Variants in CELF2 observed in about 807,000 individuals in gnomAD.
CELF2 encodes the protein CUG triplet repeat RNA-binding protein 2.
A neutral mutation model predicts 62.6 loss-of-function variants in CELF2; 8 were observed. That is an observed-to-expected ratio of 0.13 (90% CI 0.07 to 0.23). The LOEUF (loss-of-function observed/expected upper bound fraction) is 0.23, where lower values mean the gene tolerates loss of function less well. Among genes scored for constraint, CELF2 ranks in the 10% least tolerant of loss-of-function variants. The pLI is 1.00. For missense variants in CELF2, 333 were observed against 671.0 expected (o/e 0.50, Z 5.56); for synonymous variants, 258 against 250.0 (o/e 1.03, Z -0.30).
chr10:10,645,015 T>C, the CELF2 span, among the ~76,000 whole-genome samples: 1 of 152,170 alleles, frequency 6.6e-6, no homozygotes, highest in African/African-American at 2.4e-5. Context: ...CCAGCAGCTG[T>C]GAAAACAAAC....
the CELF2 span, among the ~76,000 whole-genome samples, chr10:10,600,563 A>C: frequency 6.6e-6 from 1 of 152,258 alleles, no homozygotes; most frequent in East Asian, 1.9e-4. Flanking sequence ...ATCTGGGTGT[A>C]GAACTTTGGG....
chr10:10,623,876 C>G, the CELF2 span, among the ~76,000 whole-genome samples: 3 of 152,168 alleles, frequency 2.0e-5, no homozygotes, highest in African/African-American at 4.8e-5. Flanking sequence ...AAGTGAACTG[C>G]CCAGTGCCAG....
At chr10:10,690,693 A>C in the CELF2 span, among the ~76,000 whole-genome samples, 2 of 152,170 alleles carry the variant, frequency 1.3e-5, no homozygotes, top group African/African-American at 4.8e-5. Flanking sequence ...CAGTGTGGCC[A>C]TGATGGTGAA....
rs78814926 is a variant in CELF2, at chr10:11,023,787, G to A, written c.74+5624G>A. On this transcript the variant is annotated intron_variant, in intron 1 of 12. Transcript: ENST00000633077. ...CGTATTTGAGATTTACGCATTGGCC[G>A]TGCCAACCTGGAGTTTTATGAACAG... Among the ~76,000 whole-genome samples the A allele has an allele frequency of 2.9e-3, 435 of 152,312 alleles. 1 individual carries two copies. Among genetic ancestry groups the A allele is most frequent in the African/African-American group, 1.0e-2 (414 of 41,552 alleles).
At chr10:10,944,615 T>G (rs930243732) in intron 2 of CELF2, among the ~76,000 whole-genome samples, 1 of 152,032 alleles carries the variant, frequency 6.6e-6, no homozygotes, top group Non-Finnish European at 1.5e-5. Context: ...CTTTTGTTTT[T>G]TTTTGTGACA....
At chr10:11,052,305 A>G (rs947709367) in intron 1 of CELF2, among the ~76,000 whole-genome samples, 2 of 152,256 alleles carry the variant, frequency 1.3e-5, no homozygotes, top group East Asian at 3.8e-4. Context: ...GAAGACAACC[A>G]GTAGAGATCA....
intron 1 of CELF2, among the ~76,000 whole-genome samples, chr10:10,816,429 C>G (rs2056468143): frequency 6.6e-6 from 1 of 152,156 alleles, no homozygotes; most frequent in Non-Finnish European, 1.5e-5. Context: ...TTACAGCAAT[C>G]AAGATGTTTC....
chr10:11,185,902 G>A (rs1013960116), intron 2 of CELF2, among the ~76,000 whole-genome samples: 1 of 152,184 alleles, frequency 6.6e-6, no homozygotes, highest in African/African-American at 2.4e-5. Flanking sequence ...GGAAAATTGT[G>A]TATAAAGTTG....
At chr10:10,828,593 T>G (rs1411152535) in intron 1 of CELF2, among the ~76,000 whole-genome samples, 4 of 152,158 alleles carry the variant, frequency 2.6e-5, no homozygotes, top group South Asian at 2.1e-4. Flanking sequence ...TACAAAGCAG[T>G]GTGAGTATAC....
At chr10:11,000,200 G>A (rs964010755) in intron 2 of CELF2, among the ~76,000 whole-genome samples, 18 of 151,870 alleles carry the variant, frequency 1.2e-4, no homozygotes, top group African/African-American at 3.6e-4. Flanking sequence ...CATTATCCAT[G>A]ATAGTTTATT....
intron 3 of CELF2, among the ~76,000 whole-genome samples, chr10:11,219,824 T>C (rs2064308728): frequency 2.0e-5 from 3 of 152,198 alleles, no homozygotes; most frequent in Admixed American, 6.5e-5. Context: ...TGCGGTTTGA[T>C]TACAAGCCTT....
chr10:10,680,272 T>A, the CELF2 span, among the ~76,000 whole-genome samples: 1 of 152,326 alleles, frequency 6.6e-6, no homozygotes, highest in East Asian at 1.9e-4. Flanking sequence ...GTTGCAAGTT[T>A]AGGGATCCCC....
chr10:10,557,615 T>A, the CELF2 span, among the ~76,000 whole-genome samples: 15 of 152,048 alleles, frequency 9.9e-5, no homozygotes. Flanking sequence ...ATCTGTAAAT[T>A]ACCTTGGGCA....
At chr10:11,056,580 G>T (rs747784437) in intron 1 of CELF2, among the ~76,000 whole-genome samples, 15 of 152,318 alleles carry the variant, frequency 9.8e-5, no homozygotes, top group East Asian at 1.9e-4. Context: ...GAAAGGGAAG[G>T]TATTTGAATC....
the CELF2 span, among the ~76,000 whole-genome samples, chr10:10,502,603 T>C: frequency 6.6e-6 from 1 of 152,016 alleles, no homozygotes; most frequent in Non-Finnish European, 1.5e-5. Flanking sequence ...GATATCTGCA[T>C]GGTCTGTAAT....
At chr10:11,195,099 T>C (rs1224581769) in intron 2 of CELF2, among the ~76,000 whole-genome samples, 1 of 152,240 alleles carries the variant, frequency 6.6e-6, no homozygotes, top group Admixed American at 6.5e-5. Flanking sequence ...TGTAGAAATC[T>C]ATGATACTCA....
chr10:10,870,812 A>C (rs1296328783), intron 1 of CELF2, among the ~76,000 whole-genome samples: 1 of 152,224 alleles, frequency 6.6e-6, no homozygotes, highest in Non-Finnish European at 1.5e-5. Flanking sequence ...GCACGGTGAC[A>C]GTCGCGCTGG....
At chr10:10,747,850 G>A in the CELF2 span, among the ~76,000 whole-genome samples, 9 of 152,092 alleles carry the variant, frequency 5.9e-5, no homozygotes, top group African/African-American at 2.2e-4. Flanking sequence ...GGGACTACAG[G>A]CATGTGCCAC....
At chr10:11,199,550 C>G (rs977634957) in intron 2 of CELF2, among the ~76,000 whole-genome samples, 15 of 152,240 alleles carry the variant, frequency 9.9e-5, no homozygotes, top group African/African-American at 3.1e-4. Context: ...CCCTCTGCCA[C>G]CACCCCTTCC....
Sources: allele counts gnomAD v4.1 joint callset (sites outside exome capture counted in the v4.1 genomes callset), GRCh38; gene constraint gnomAD v4.1.1; transcripts MANE v1.5; gene names NCBI Gene and HGNC (gene_info 2026-07-23, HGNC 2026-07-21).